GAPT: variants seen among roughly 807,000 people sequenced by gnomAD.
GAPT encodes the protein GRB2 binding adaptor protein, transmembrane.
For synonymous variants in GAPT, 82 were observed against 69.7 expected, an observed-to-expected ratio of 1.18 and a Z score of -0.88; for missense variants, 206 against 189.2, an observed-to-expected ratio of 1.09 and a Z score of -0.52.
Position 58,495,670 on chromosome 5 carries a change from C to T in GAPT, c.*660C>T, listed in dbSNP as rs1361485129. The stretch of plus-strand genomic sequence containing the variant: ...CTAAATATTACCCGTTATCTCTTTC[C>T]TTTATTTCTACCATTATCTTTATCT... On this transcript the variant is annotated 3_prime_UTR_variant, in exon 3 of 3. Transcript: ENST00000502276. The T allele has an allele frequency of 6.2e-6, 1 of 162,452 alleles. No homozygotes were observed. Among genetic ancestry groups the T allele is most frequent in the Non-Finnish European group, 1.5e-5 (1 of 68,098 alleles). The allele number at this position is 162,452 out of a possible 1,614,324, so 10.1% of individuals were successfully genotyped here.
rs749525695 is a variant in GAPT at position 58,494,520 on chromosome 5, G to A, written c.-17G>A. The A allele has an allele frequency of 1.3e-6, 2 of 1,581,074 alleles. No individual in the cohort carries two copies. The highest frequency in any genetic ancestry group is 2.3e-5 in the South Asian group (2 of 86,818). ...AAGGGTAACACCAAATCACTAAACA[G>A]CACTGTTTGTACAGAAATGTCGAAA... On this transcript the variant is annotated 5_prime_UTR_variant, in exon 3 of 3. Transcript: ENST00000502276.
In GAPT at chr5:58,495,544, T is replaced by C. The variant is rs1230117767; in HGVS notation, c.*534T>C. ...TGGATGGTCTCTGCCTATCTCCACC[T>C]TTCTGAATCCTATGTGTATCGCTGT... On this transcript the variant is annotated 3_prime_UTR_variant, in exon 3 of 3. Coordinates refer to ENST00000502276, the MANE Select transcript of GAPT (RefSeq NM_001304431.2). 6.0e-6 allele frequency: 1 copy of C among 167,744 alleles called. No individual in the cohort carries two copies. The highest frequency in any genetic ancestry group is 1.4e-5 in the Non-Finnish European group (1 of 68,970). The allele number at this position is 167,744 out of a possible 1,614,324, so 10.4% of individuals were successfully genotyped here. A position where few individuals can be genotyped will look rare whatever the true frequency, so the allele number is the denominator to read the frequency against.
rs1459535230 is a variant in GAPT, at chr5:58,496,269, C to T, written c.*1259C>T. The T allele has an allele frequency of 6.1e-5, 10 of 163,186 alleles. No homozygotes were observed. In the Admixed American group the frequency reaches 6.5e-4, roughly 11 times the overall value. The allele number at this position is 163,186 out of a possible 1,614,324, so 10.1% of individuals were successfully genotyped here. On this transcript the variant is annotated 3_prime_UTR_variant, in exon 3 of 3. Coordinates refer to ENST00000502276, the MANE Select transcript of GAPT (RefSeq NM_001304431.2). ...AGAACATCACATAAGGCACTAAATGCCTCATGTTTTACTGACGGGAATTGA... is the reference window on the plus strand; with the variant it reads ...AGAACATCACATAAGGCACTAAATGTCTCATGTTTTACTGACGGGAATTGA...
chr5:58,494,749 T>A lies in GAPT; in HGVS notation c.213T>A (p.His71Gln), dbSNP rs757377213. 6 of 1,613,930 alleles carry A rather than the reference T, an allele frequency of 3.7e-6. No individual in the cohort carries two copies. In the East Asian group the frequency reaches 1.3e-4, roughly 36 times the overall value. ...GCCCCCGCATCATTGGCTTAAGGCA[T>A]GAAATCTCAGTTGAAACCCAAGACC... ...FLGPRIIGLR[H>Q]EISVETQDHK... The change falls in exon 3 of 3, where the codon CAT becomes CAA. Residue 71 changes from histidine (H) to glutamine (Q), a missense_variant. Physicochemically the swap from His to Gln is conservative, Grantham distance 24. Transcript: ENST00000502276.
Position 58,494,508 on chromosome 5 carries a change from A to G in GAPT, c.-29A>G. The G allele has an allele frequency of 6.5e-7, 1 of 1,542,058 alleles. No homozygotes were observed. The highest frequency in any genetic ancestry group is 8.8e-7 in the Non-Finnish European group (1 of 1,134,526). On this transcript the variant is annotated 5_prime_UTR_variant, in exon 3 of 3. Coordinates refer to ENST00000502276, the MANE Select transcript of GAPT (RefSeq NM_001304431.2). ...TGTGAATTCATTAAGGGTAACACCA[A>G]ATCACTAAACAGCACTGTTTGTACA...
intron 1 of GAPT, among the ~76,000 whole-genome samples, chr5:58,491,783 G>A (rs1744264879): frequency 2.0e-5 from 3 of 152,076 alleles, no homozygotes; most frequent in Non-Finnish European, 1.5e-5. Flanking sequence ...GAAAATTCCT[G>A]AAGTTTCTCA....
chr5:58,492,579 T>C (rs1223886644), intron 1 of GAPT, among the ~76,000 whole-genome samples: 2 of 152,184 alleles, frequency 1.3e-5, no homozygotes, highest in Non-Finnish European at 2.9e-5. Flanking sequence ...TGTTTCTGCA[T>C]CTGGGGTGCT....
Position 58,494,262 on chromosome 5 carries a change from G to A in GAPT, c.-275G>A. On this transcript the variant is annotated 5_prime_UTR_variant, in exon 3 of 3. The change abolishes an upstream ATG in the 5' untranslated region. Coordinates refer to ENST00000502276, the MANE Select transcript of GAPT (RefSeq NM_001304431.2). ...TCGTTAACAGAAAAGGAAGTGGAAT[G>A]GAATAAAATCCCCCAATACAGTACA... 3.2e-6 allele frequency: 1 copy of A among 309,662 alleles called. No individual in the cohort carries two copies. Among genetic ancestry groups the A allele is most frequent in the Non-Finnish European group, 5.9e-6 (1 of 168,896 alleles). 19.2% of individuals were successfully genotyped at this position (309,662 alleles called of 1,614,324 possible).
Position 58,496,633 on chromosome 5 carries a change from C to A in GAPT, c.*1623C>A, listed in dbSNP as rs1287864586. ...TTTTGCCAGGTGGATCCATTCTATT[C>A]TCTACCAATAGGGGGCACTAAGGAA... On this transcript the variant is annotated 3_prime_UTR_variant, in exon 3 of 3. Coordinates refer to ENST00000502276, the MANE Select transcript of GAPT (RefSeq NM_001304431.2). The A allele has an allele frequency of 6.0e-6, 1 of 167,116 alleles. No individual in the cohort carries two copies. The highest frequency in any genetic ancestry group is 2.4e-5 in the African/African-American group (1 of 41,454). The allele number at this position is 167,116 out of a possible 1,614,324, so 10.4% of individuals were successfully genotyped here.
In GAPT at chr5:58,494,367, TC is replaced by T; in HGVS notation, c.-168del. 1.7e-6 allele frequency: 1 copy of T among 578,424 alleles called. No homozygotes were observed. The highest frequency in any genetic ancestry group is 3.0e-6 in the Non-Finnish European group (1 of 328,970). The allele number at this position is 578,424 out of a possible 1,614,324, so 35.8% of individuals were successfully genotyped here. ...TCCAGAAATAAGTTTATACACTCTCTCCTCTAATTGCATCAGGACTTTACCA... is the reference window on the plus strand; with the variant it reads ...TCCAGAAATAAGTTTATACACTCTCTCTCTAATTGCATCAGGACTTTACCA... On this transcript the variant is annotated 5_prime_UTR_variant, in exon 3 of 3. Transcript: ENST00000502276.
In GAPT at chr5:58,495,425, G is replaced by C. The variant is rs906546883; in HGVS notation, c.*415G>C. The C allele has an allele frequency of 6.1e-6, 1 of 163,954 alleles. No homozygotes were observed. Among genetic ancestry groups the C allele is most frequent in the African/African-American group, 2.4e-5 (1 of 41,484 alleles). The allele number at this position is 163,954 out of a possible 1,614,324, so 10.2% of individuals were successfully genotyped here. ...GTTCCTACATAACAAACCTGAACATGTACCCCTGAACATAAAATTATAATT... is the reference window on the plus strand; with the variant it reads ...GTTCCTACATAACAAACCTGAACATCTACCCCTGAACATAAAATTATAATT... On this transcript the variant is annotated 3_prime_UTR_variant, in exon 3 of 3. Transcript: ENST00000502276.
intron 1 of GAPT, among the ~76,000 whole-genome samples, chr5:58,493,138 A>T (rs1744313565): frequency 6.6e-6 from 1 of 152,184 alleles, no homozygotes; most frequent in African/African-American, 2.4e-5. Flanking sequence ...CAGCTATAGG[A>T]TTAAATGAGA....
chr5:58,492,905 G>A (rs1744298752), intron 1 of GAPT, among the ~76,000 whole-genome samples: 1 of 152,058 alleles, frequency 6.6e-6, no homozygotes, highest in South Asian at 2.1e-4. Context: ...AATAATATAT[G>A]ATTTCCAACC....
In GAPT at chr5:58,495,770, T is replaced by A. The variant is rs914667771; in HGVS notation, c.*760T>A. The A allele has an allele frequency of 6.0e-6, 1 of 166,504 alleles. No individual in the cohort carries two copies. Among genetic ancestry groups the A allele is most frequent in the Non-Finnish European group, 1.5e-5 (1 of 68,118 alleles). The allele number at this position is 166,504 out of a possible 1,614,324, so 10.3% of individuals were successfully genotyped here. A position where few individuals can be genotyped will look rare whatever the true frequency, so the allele number is the denominator to read the frequency against. On this transcript the variant is annotated 3_prime_UTR_variant, in exon 3 of 3. Coordinates refer to ENST00000502276, the MANE Select transcript of GAPT (RefSeq NM_001304431.2). ...TTCTACCCACTCAATCAATTACCGA[T>A]GGTGTTGCCAGATTTATCTTCAGAA...
At position 58,494,427 on chromosome 5, in the gene GAPT, C is replaced by A; in HGVS notation, c.-110C>A. On this transcript the variant is annotated 5_prime_UTR_variant, in exon 3 of 3. Coordinates refer to ENST00000502276, the MANE Select transcript of GAPT (RefSeq NM_001304431.2). ...TCTTCCAGATCTGAAAAGGAAAATG[C>A]CTAAAAGAGCTTCCAAACTCATTTT... is the stretch of plus-strand genomic sequence containing the variant. 3.5e-6 allele frequency: 3 copies of A among 866,748 alleles called. No individual in the cohort carries two copies. Among genetic ancestry groups the A allele is most frequent in the East Asian group, 2.6e-5 (1 of 37,838 alleles). 53.7% of individuals were successfully genotyped at this position (866,748 alleles called of 1,614,324 possible). A position where few individuals can be genotyped will look rare whatever the true frequency, so the allele number is the denominator to read the frequency against.
Position 58,495,229 on chromosome 5 carries a change from G to A in GAPT, c.*219G>A, listed in dbSNP as rs1247197789. 2.1e-6 allele frequency: 1 copy of A among 484,934 alleles called. No individual in the cohort carries two copies. The highest frequency in any genetic ancestry group is 3.7e-6 in the Non-Finnish European group (1 of 272,690). The allele number at this position is 484,934 out of a possible 1,614,324, so 30.0% of individuals were successfully genotyped here. On this transcript the variant is annotated 3_prime_UTR_variant, in exon 3 of 3. Transcript: ENST00000502276. Reference sequence around the variant, plus strand: ...CACATATTCTCACTTAAAAGTGGGAGCTAAATAATAAGAACACATGGAGAG... The same window carrying A: ...CACATATTCTCACTTAAAAGTGGGAACTAAATAATAAGAACACATGGAGAG...
chr5:58,492,369 C>A (rs1336824344), intron 1 of GAPT, among the ~76,000 whole-genome samples: 3 of 152,100 alleles, frequency 2.0e-5, no homozygotes, highest in Admixed American at 2.0e-4. Context: ...CATAAAATAT[C>A]TTGCAGATAA....
rs1744383810 is a variant in GAPT, at chr5:58,494,649, C to T, written c.113C>T (p.Ala38Val). 1 of 1,613,964 alleles carries T rather than the reference C, an allele frequency of 6.2e-7. No individual in the cohort carries two copies. The highest frequency in any genetic ancestry group is 8.5e-7 in the Non-Finnish European group (1 of 1,179,928). ...GCVWHWKHRV[A>V]TRFTLPRFLQ... is the part of the protein sequence containing the mutation. ...GTTTGGCACTGGAAACACCGTGTTG[C>T]CACACGATTTACCTTACCGAGGTTT... Residue 38 changes from alanine (A) to valine (V), a missense_variant, in exon 3 of 3, where the codon GCC becomes GTC. Ala to Val is a moderately conservative substitution (Grantham distance 64). Coordinates refer to ENST00000502276, the MANE Select transcript of GAPT (RefSeq NM_001304431.2).
rs1194736909 is a variant in GAPT at position 58,495,098 on chromosome 5, G to T, written c.*88G>T. On this transcript the variant is annotated 3_prime_UTR_variant, in exon 3 of 3. Coordinates refer to ENST00000502276, the MANE Select transcript of GAPT (RefSeq NM_001304431.2). The stretch of plus-strand genomic sequence containing the variant: ...AAGACAAGGAATCAAACTAAATGTT[G>T]ATCAACTGTAGACTGGATAAAGAAA... 3.7e-6 allele frequency: 3 copies of T among 800,560 alleles called. No individual in the cohort carries two copies. The highest frequency in any genetic ancestry group is 2.6e-5 in the East Asian group (1 of 38,412). The allele number at this position is 800,560 out of a possible 1,614,324, so 49.6% of individuals were successfully genotyped here.
Sources: allele counts gnomAD v4.1 joint callset (sites outside exome capture counted in the v4.1 genomes callset), GRCh38; gene constraint gnomAD v4.1.1; transcripts MANE v1.5; gene names NCBI Gene and HGNC (gene_info 2026-07-23, HGNC 2026-07-21).